IRAK2: variants seen among roughly 807,000 people sequenced by gnomAD.
IRAK2 encodes the protein interleukin 1 receptor associated kinase 2.
Under a neutral mutation model 72.0 loss-of-function variants are expected in IRAK2, and 57 were observed. The ratio of observed to expected loss-of-function variants is 0.79; its 90% CI spans 0.64 to 0.99. The LOEUF is 0.99. IRAK2 is among the 50% of genes least tolerant of loss of function. The pLI is 0.00. For missense variants in IRAK2, 790 were observed against 794.4 expected (o/e 0.99, Z 0.07); for synonymous variants, 293 against 312.7 (o/e 0.94, Z 0.67).
At chr3:10,219,463 C>T (rs1205801593) in intron 7 of IRAK2, among the ~76,000 whole-genome samples, 2 of 152,146 alleles carry the variant, frequency 1.3e-5, no homozygotes, top group East Asian at 3.9e-4. Flanking sequence ...GGACTACAGG[C>T]AGCCGCCACC....
chr3:10,191,030 C>T (rs1044168583), intron 2 of IRAK2, among the ~76,000 whole-genome samples: 1 of 152,154 alleles, frequency 6.6e-6, no homozygotes, highest in Admixed American at 6.5e-5. Flanking sequence ...CGCGGTGGCT[C>T]AAGCCTGTAA....
intron 2 of IRAK2, among the ~76,000 whole-genome samples, chr3:10,185,650 G>T (rs561304027): frequency 1.3e-5 from 2 of 150,978 alleles, no homozygotes; most frequent in South Asian, 4.2e-4. Flanking sequence ...TGAGGTGGGT[G>T]GATCACTTGA....
At chr3:10,165,322 C>T (rs931914304) in intron 1 of IRAK2, among the ~76,000 whole-genome samples, 4 of 152,150 alleles carry the variant, frequency 2.6e-5, no homozygotes, top group Non-Finnish European at 4.4e-5. Flanking sequence ...CTCCTGTCAG[C>T]GCTGCTGGCT....
intron 2 of IRAK2, among the ~76,000 whole-genome samples, chr3:10,194,941 G>A (rs1279897996): frequency 6.6e-6 from 1 of 152,112 alleles, no homozygotes; most frequent in Non-Finnish European, 1.5e-5. Flanking sequence ...TGGGAGGGTG[G>A]ATGTTAGCCC....
At chr3:10,231,801 C>T (rs1345853269) in intron 10 of IRAK2, among the ~76,000 whole-genome samples, 1 of 152,132 alleles carries the variant, frequency 6.6e-6, no homozygotes, top group Non-Finnish European at 1.5e-5. Flanking sequence ...AGGTGTGAAC[C>T]ACCACGCCCG....
At chr3:10,217,079 G>A (rs201876825) in intron 7 of IRAK2, 31 bp downstream of exon 7, 20 of 1,478,330 alleles carry the variant, frequency 1.4e-5, no homozygotes, top group Middle Eastern at 1.7e-4. Context: ...CAGAGAATGG[G>A]ACCAGGCTGC....
intron 6 of IRAK2, among the ~76,000 whole-genome samples, chr3:10,214,750 G>A (rs1051257330): frequency 6.6e-6 from 1 of 151,934 alleles, no homozygotes; most frequent in Non-Finnish European, 1.5e-5. Flanking sequence ...TTTGAGACCA[G>A]CTTGGGCAAC....
rs368764231 is a variant in IRAK2, at chr3:10,193,445, AAAAAAC to A, written c.278-6901_278-6896del. On this transcript the variant is annotated intron_variant, in intron 2 of 12. Coordinates refer to ENST00000256458, the MANE Select transcript of IRAK2 (RefSeq NM_001570.4). ...ATGGCAAAACCCTGTCTCTACCAAA[AAAAAAC>A]AAAAACAAAAACAAAAACAAAATTA... Among the ~76,000 whole-genome samples, 1,258 of 151,704 alleles carry A rather than the reference AAAAAAC, an allele frequency of 8.3e-3. 31 individuals carry two copies. The highest frequency in any genetic ancestry group is 0.083 in the South Asian group (394 of 4,770).
At chr3:10,221,802 C>T (rs939798211) in intron 8 of IRAK2, among the ~76,000 whole-genome samples, 3 of 152,184 alleles carry the variant, frequency 2.0e-5, no homozygotes, top group African/African-American at 7.2e-5. Context: ...GTTGGGATTA[C>T]AGGCATGAGT....
At chr3:10,241,836 G>A (rs1484129241) in intron 12 of IRAK2, among the ~76,000 whole-genome samples, 1 of 147,064 alleles carries the variant, frequency 6.8e-6, no homozygotes, top group Non-Finnish European at 1.5e-5. Flanking sequence ...AGCCAGGTGT[G>A]GTTGTGCACG....
intron 1 of IRAK2, among the ~76,000 whole-genome samples, chr3:10,166,859 G>T (rs1252098454): frequency 6.6e-6 from 1 of 152,114 alleles, no homozygotes; most frequent in Non-Finnish European, 1.5e-5. Context: ...GGCCAGGCTG[G>T]TCTCGAACTC....
chr3:10,173,712 C>A (rs1215004084), intron 1 of IRAK2, among the ~76,000 whole-genome samples: 1 of 152,124 alleles, frequency 6.6e-6, no homozygotes, highest in East Asian at 1.9e-4. Flanking sequence ...GTAGCCCCAG[C>A]TACTTGGGAG....
intron 1 of IRAK2, among the ~76,000 whole-genome samples, chr3:10,174,139 A>T (rs954640473): frequency 3.9e-5 from 6 of 151,992 alleles, no homozygotes; most frequent in African/African-American, 1.5e-4. Context: ...TTCCTTTTCC[A>T]TCCGTTCTCT....
rs774750085 is a variant in IRAK2, at chr3:10,213,218, C to G, written c.540C>G (p.Thr180=). Residue 180 remains threonine (T), a synonymous_variant, in exon 5 of 13, where the codon ACC becomes ACG. Coordinates refer to ENST00000256458, the MANE Select transcript of IRAK2 (RefSeq NM_001570.4). ...CTCTGGGTCTCCAGGACTTCAGCAC[C>G]TCCATTCCTAAGCAGGAAAAACTTT... is the stretch of plus-strand genomic sequence containing the variant. ...PTSSDSKDFS[T]SIPKQEKLLS... is the part of the protein sequence containing the mutation. 1 of 1,614,084 alleles carries G rather than the reference C, an allele frequency of 6.2e-7. No homozygotes were observed. Among genetic ancestry groups the G allele is most frequent in the Admixed American group, 1.7e-5 (1 of 60,004 alleles).
chr3:10,232,308 C>T (rs931074225), intron 10 of IRAK2, among the ~76,000 whole-genome samples: 1 of 152,206 alleles, frequency 6.6e-6, no homozygotes, highest in Non-Finnish European at 1.5e-5. Flanking sequence ...CTCTATTCCT[C>T]ATATTTCCTA....
chr3:10,203,017 G>A lies in IRAK2; in HGVS notation c.424+2502G>A, dbSNP rs189333602. Among the ~76,000 whole-genome samples, 266 of 151,258 alleles carry A rather than the reference G, an allele frequency of 1.8e-3. 6 individuals are homozygous for A. The South Asian group carries it at 0.044, about 25-fold the overall frequency. On this transcript the variant is annotated intron_variant, in intron 3 of 12. Transcript: ENST00000256458. ...ATTTACTTACTTTCTTTTTTTGGCA[G>A]TGGGATGGAATCTCTGTCACCCAGG... is the stretch of plus-strand genomic sequence containing the variant.
intron 2 of IRAK2, among the ~76,000 whole-genome samples, chr3:10,195,837 A>G (rs1007037507): frequency 2.6e-5 from 4 of 152,168 alleles, no homozygotes; most frequent in Non-Finnish European, 4.4e-5. Context: ...CTTTTGACAC[A>G]GATGTCACAA....
chr3:10,212,067 G>A (rs1697530445), intron 4 of IRAK2, among the ~76,000 whole-genome samples: 1 of 139,932 alleles, frequency 7.1e-6, no homozygotes, highest in Non-Finnish European at 1.6e-5. Context: ...GTGACAGTAC[G>A]AGACTCTGTC....
chr3:10,229,848 C>T (rs1697832793), intron 10 of IRAK2, among the ~76,000 whole-genome samples: 1 of 152,130 alleles, frequency 6.6e-6, no homozygotes, highest in African/African-American at 2.4e-5. Context: ...CGGCTGTAAT[C>T]GCGGCACTTT....
Sources: allele counts gnomAD v4.1 joint callset (sites outside exome capture counted in the v4.1 genomes callset), GRCh38; gene constraint gnomAD v4.1.1; transcripts MANE v1.5; gene names NCBI Gene and HGNC (gene_info 2026-07-23, HGNC 2026-07-21).